The following EXOC6B variants were observed in gnomAD, a reference collection of about 807,000 sequenced individuals.
The protein encoded by EXOC6B is SEC15 homolog B.
In EXOC6B, 54 loss-of-function variants were observed where a neutral mutation model predicts 113.5. The observed-to-expected ratio is 0.48, with a 90% CI of 0.38 to 0.60. EXOC6B has a LOEUF of 0.60. Ranked by LOEUF, EXOC6B falls within the 20% of genes least tolerant of loss-of-function variation. The pLI is 0.00. For synonymous variants in EXOC6B, 357 were observed against 339.0 expected (o/e 1.05, Z -0.58); for missense variants, 797 against 977.5 (o/e 0.82, Z 2.46).
At chr2:72,439,615 C>T (rs1696075663) in intron 18 of EXOC6B, among the ~76,000 whole-genome samples, 1 of 152,176 alleles carries the variant, frequency 6.6e-6, no homozygotes, top group Non-Finnish European at 1.5e-5. Context: ...CTGTTCGCTC[C>T]TGCAATGTTT....
At chr2:72,775,435 A>C (rs1300120234) in intron 1 of EXOC6B, among the ~76,000 whole-genome samples, 3 of 152,232 alleles carry the variant, frequency 2.0e-5, no homozygotes, top group Non-Finnish European at 4.4e-5. Flanking sequence ...AATTCCATGC[A>C]GTTTAGGAAT....
At chr2:72,580,480 A>T (rs1255254456) in intron 6 of EXOC6B, among the ~76,000 whole-genome samples, 3 of 152,254 alleles carry the variant, frequency 2.0e-5, no homozygotes, top group Middle Eastern at 3.4e-3. Flanking sequence ...GAAACATCTG[A>T]AACCCAGCAA....
At chr2:72,443,714 C>T (rs535196812) in intron 18 of EXOC6B, among the ~76,000 whole-genome samples, 2 of 152,250 alleles carry the variant, frequency 1.3e-5, no homozygotes, top group Non-Finnish European at 2.9e-5. Flanking sequence ...TGCAGGGGAA[C>T]TCCCCTTTTT....
chr2:72,760,649 T>G (rs1682688685), intron 1 of EXOC6B: 1 of 152,810 alleles, frequency 6.5e-6, no homozygotes, highest in South Asian at 2.0e-4. Flanking sequence ...TGAATTTATT[T>G]GAAAAAATGG....
intron 19 of EXOC6B, among the ~76,000 whole-genome samples, chr2:72,338,908 C>CAA: frequency 6.9e-6 from 1 of 144,582 alleles, no homozygotes; most frequent in Admixed American, 7.3e-5. Context: ...AATGGAAGAA[C>CAA]ACACACATAC....
chr2:72,662,934 T>G (rs1675127412), intron 6 of EXOC6B, among the ~76,000 whole-genome samples: 1 of 152,010 alleles, frequency 6.6e-6, no homozygotes, highest in Non-Finnish European at 1.5e-5. Context: ...TTGGCAAGGA[T>G]GTTCTCAATC....
intron 20 of EXOC6B, among the ~76,000 whole-genome samples, chr2:72,242,980 C>T (rs1175831811): frequency 6.6e-6 from 1 of 152,168 alleles, no homozygotes; most frequent in Non-Finnish European, 1.5e-5. Flanking sequence ...AGAGATCCTC[C>T]TTTTCCTAGT....
At position 72,347,746 on chromosome 2, in the gene EXOC6B, C is replaced by T. The variant is rs62149283; in HGVS notation, c.2123-12726G>A. ...ACAGCACATGTCATTTTCTGACTAC[C>T]CACAATTCAAGTGCTCAACAGCTTT... On this transcript the variant is annotated intron_variant, in intron 19 of 21. Transcript: ENST00000272427. Among the ~76,000 whole-genome samples, 1,037 of 152,080 alleles carry T rather than the reference C, an allele frequency of 6.8e-3. 11 individuals carry two copies. Among genetic ancestry groups the T allele is most frequent in the Non-Finnish European group, 0.013 (874 of 67,974 alleles).
intron 1 of EXOC6B, among the ~76,000 whole-genome samples, chr2:72,798,293 C>T (rs933594357): frequency 2.6e-5 from 4 of 151,732 alleles, no homozygotes; most frequent in African/African-American, 9.7e-5. Flanking sequence ...AAAATAATTA[C>T]ATCTAATTTT....
intron 19 of EXOC6B, chr2:72,335,281 A>G (rs566801802): frequency 5.4e-6 from 2 of 368,886 alleles, no homozygotes; most frequent in South Asian, 8.4e-5. Context: ...GCTGGGCTTC[A>G]GAGTATTTGT....
intron 18 of EXOC6B, among the ~76,000 whole-genome samples, chr2:72,431,525 C>CTATCTATG (rs1021305671): frequency 5.9e-5 from 9 of 151,778 alleles, no homozygotes; most frequent in African/African-American, 1.9e-4. Context: ...ATCTATCTAT[C>CTATCTATG]TATCTATCTA....
intron 1 of EXOC6B, among the ~76,000 whole-genome samples, chr2:72,769,694 C>T (rs566757686): frequency 6.6e-6 from 1 of 152,270 alleles, no homozygotes; most frequent in African/African-American, 2.4e-5. Context: ...TGCCTGTAAT[C>T]CCAGCTACTC....
At chr2:72,324,675 A>G (rs2104841911) in intron 20 of EXOC6B, among the ~76,000 whole-genome samples, 1 of 152,284 alleles carries the variant, frequency 6.6e-6, no homozygotes, top group South Asian at 2.1e-4. Context: ...GAGGTCAAAT[A>G]ATTTGCCAAA....
At chr2:72,467,256 C>A (rs1698113898) in intron 17 of EXOC6B, among the ~76,000 whole-genome samples, 1 of 152,186 alleles carries the variant, frequency 6.6e-6, no homozygotes, top group South Asian at 2.1e-4. Context: ...TAGGTCAAAT[C>A]AATATCTTGG....
chr2:72,482,883 A>C (rs1417362740), intron 16 of EXOC6B, among the ~76,000 whole-genome samples: 2 of 152,180 alleles, frequency 1.3e-5, no homozygotes, highest in African/African-American at 2.4e-5. Context: ...AAGGGCAAAA[A>C]CACAGCGATA....
intron 18 of EXOC6B, among the ~76,000 whole-genome samples, chr2:72,456,646 GT>G (rs1415723933): frequency 6.6e-6 from 1 of 152,032 alleles, no homozygotes; most frequent in East Asian, 1.9e-4. Context: ...TCCTCCTTGA[GT>G]TTATGGTCTC....
chr2:72,413,172 A>G (rs1055375098), intron 18 of EXOC6B, among the ~76,000 whole-genome samples: 1 of 151,640 alleles, frequency 6.6e-6, no homozygotes, highest in South Asian at 2.1e-4. Context: ...CATGTTAGCC[A>G]GGATGGTCTT....
intron 20 of EXOC6B, among the ~76,000 whole-genome samples, chr2:72,332,305 A>T (rs540068048): frequency 6.6e-6 from 1 of 152,198 alleles, no homozygotes; most frequent in East Asian, 1.9e-4. Context: ...TAATGAAAAA[A>T]ATCTGTGTTC....
chr2:72,495,680 C>A, intron 14 of EXOC6B, 141 bp from the exon 15 acceptor site: 1 of 589,526 alleles, frequency 1.7e-6, no homozygotes, highest in South Asian at 2.2e-5. Flanking sequence ...GAAAATATCT[C>A]CCAAAGTTTT....
Sources: gnomAD v4.1 joint callset for allele counts (sites outside exome capture counted in the v4.1 genomes callset) on GRCh38, gnomAD v4.1.1 for gene constraint, MANE v1.5 for transcripts, NCBI Gene and HGNC (gene_info 2026-07-23, HGNC 2026-07-21) for gene names.